The following RTCB variants were observed in gnomAD, a reference collection of about 807,000 sequenced individuals.
RTCB encodes the protein RNA-splicing ligase RTCB.
RTCB carries 32 observed loss-of-function variants against 58.2 expected under a neutral mutation model. That is an observed-to-expected ratio of 0.55 (90% CI 0.41 to 0.74). The LOEUF is 0.74. RTCB is among the 30% of genes least tolerant of loss of function. RTCB has a pLI of 0.00. For synonymous variants in RTCB, 247 were observed against 218.6 expected (o/e 1.13, Z -1.15); for missense variants, 523 against 639.0 (o/e 0.82, Z 1.96).
At chr22:32,394,192 A>G (rs2145890328) in intron 9 of RTCB, among the ~76,000 whole-genome samples, 190 bp from the exon 10 acceptor site, 1 of 151,544 alleles carries the variant, frequency 6.6e-6, no homozygotes, top group East Asian at 1.9e-4. Context: ...GCTCACTGCA[A>G]GCTCCGCCTC....
At chr22:32,389,504 G>T (rs1933116406) in intron 11 of RTCB, among the ~76,000 whole-genome samples, 3 of 152,038 alleles carry the variant, frequency 2.0e-5, no homozygotes, top group South Asian at 2.1e-4. Context: ...TAGAGATGGG[G>T]TCTTGCTTTG....
At chr22:32,408,061 T>C in intron 3 of RTCB, 114 bp downstream of exon 3, 1 of 931,956 alleles carries the variant, frequency 1.1e-6, no homozygotes, top group Non-Finnish European at 1.7e-6. Flanking sequence ...TTCATGGTTA[T>C]GTCTGGCTGT....
chr22:32,401,541 C>T, intron 5 of RTCB: 2 of 515,214 alleles, frequency 3.9e-6, no homozygotes, highest in Non-Finnish European at 6.8e-6. Context: ...ATAAATACTA[C>T]TCTATGTCAA....
At chr22:32,398,142 GTTT>G in intron 6 of RTCB, 42 bp from the exon 7 acceptor site, 1 of 1,383,492 alleles carries the variant, frequency 7.2e-7, no homozygotes. Context: ...TTTTATTCCA[GTTT>G]TTTTTTTAAT....
At position 32,395,299 on chromosome 22, in the gene RTCB, T is replaced by C. The variant is rs559042307; in HGVS notation, c.991-85A>G. On this transcript the variant is annotated intron_variant, in intron 8 of 11. Transcript: ENST00000216038. ...CGTGACTCATCTCACTGGTTTCAGG[T>C]AGTCTGTTCTGAAGGGAGTAAAAGA... The C allele has an allele frequency of 1.6e-4, 189 of 1,175,876 alleles. No individual in the cohort carries two copies. The African/African-American group carries it at 2.5e-3, about 16-fold the overall frequency. 72.8% of individuals were successfully genotyped at this position (1,175,876 alleles called of 1,614,324 possible). A position where few individuals can be genotyped will look rare whatever the true frequency, so the allele number is the denominator to read the frequency against.
chr22:32,403,346 G>A (rs1361428817), intron 4 of RTCB, among the ~76,000 whole-genome samples: 1 of 151,988 alleles, frequency 6.6e-6, no homozygotes, highest in Non-Finnish European at 1.5e-5. Flanking sequence ...GGCGGAGCTT[G>A]CAGTGAGCCA....
Position 32,399,537 on chromosome 22 carries a change from T to G in RTCB, c.654+66A>C, listed in dbSNP as rs556125558. ...GTTTGCTAAATGTAAGATATAGATT[T>G]TTTTCCCCCAATAAAAACAAAATAT... is the stretch of plus-strand genomic sequence containing the variant. On this transcript the variant is annotated intron_variant, in intron 6 of 11. Coordinates refer to ENST00000216038, the MANE Select transcript of RTCB (RefSeq NM_014306.5). The G allele has an allele frequency of 2.1e-6, 3 of 1,444,590 alleles. 1 individual carries two copies. The highest frequency in any genetic ancestry group is 2.8e-6 in the Non-Finnish European group (3 of 1,057,676). The allele number at this position is 1,444,590 out of a possible 1,614,324, so 89.5% of individuals were successfully genotyped here.
chr22:32,392,158 C>A, intron 11 of RTCB, 82 bp downstream of exon 11: 1 of 1,430,298 alleles, frequency 7.0e-7, no homozygotes, highest in Non-Finnish European at 9.4e-7. Context: ...TAGTAACACC[C>A]TAAATTGCTG....
rs2145891670 is a variant in RTCB at position 32,396,255 on chromosome 22, A to C, written c.815-6T>G. The C allele has an allele frequency of 6.2e-7, 1 of 1,613,814 alleles. No homozygotes were observed. Among genetic ancestry groups the C allele is most frequent in the Non-Finnish European group, 8.5e-7 (1 of 1,179,788 alleles). ...CTCCATAGCTACCAGCGCATCTGGAACAAGAGCCACAAAGTCCAAACCAGT... is the reference window on the plus strand; with the variant it reads ...CTCCATAGCTACCAGCGCATCTGGACCAAGAGCCACAAAGTCCAAACCAGT... On this transcript the variant is annotated splice_polypyrimidine_tract_variant and splice_region_variant and intron_variant, in intron 7 of 11. Coordinates refer to ENST00000216038, the MANE Select transcript of RTCB (RefSeq NM_014306.5).
chr22:32,411,505 G>A (rs1463254940), intron 1 of RTCB, among the ~76,000 whole-genome samples: 1 of 152,122 alleles, frequency 6.6e-6, no homozygotes, highest in African/African-American at 2.4e-5. Flanking sequence ...GATCCTCGAG[G>A]TCCTTCTGTG....
chr22:32,387,798 T>C lies in RTCB; in HGVS notation c.*194A>G. The C allele has an allele frequency of 1.9e-6, 1 of 529,200 alleles. No individual in the cohort carries two copies. The highest frequency in any genetic ancestry group is 1.9e-5 in the African/African-American group (1 of 52,862). The allele number at this position is 529,200 out of a possible 1,614,324, so 32.8% of individuals were successfully genotyped here. A position where few individuals can be genotyped will look rare whatever the true frequency, so the allele number is the denominator to read the frequency against. ...CCTTTCCAAAGGTGGGCAATGTGCCTCTTCCTGGAAGGTTATTTTACAAGC... is the reference window on the plus strand; with the variant it reads ...CCTTTCCAAAGGTGGGCAATGTGCCCCTTCCTGGAAGGTTATTTTACAAGC... On this transcript the variant is annotated 3_prime_UTR_variant, in exon 12 of 12. Transcript: ENST00000216038.
Position 32,401,676 on chromosome 22 carries a change from C to A in RTCB, c.497+71G>T, listed in dbSNP as rs373314931. The A allele has an allele frequency of 7.9e-5, 121 of 1,529,498 alleles. 1 individual carries two copies. Among genetic ancestry groups the A allele is most frequent in the East Asian group, 4.1e-4 (18 of 44,326 alleles). The allele number at this position is 1,529,498 out of a possible 1,614,324, so 94.7% of individuals were successfully genotyped here. A position where few individuals can be genotyped will look rare whatever the true frequency, so the allele number is the denominator to read the frequency against. On this transcript the variant is annotated intron_variant, in intron 5 of 11. Transcript: ENST00000216038. ...ATCCTCATCTCTCAAGTGTACTGCA[C>A]TGGAAAGGAAGCTGAAGGTCATGTG...
intron 2 of RTCB, 79 bp downstream of exon 2, chr22:32,408,676 A>AATT (rs1391992294): frequency 9.9e-7 from 1 of 1,006,996 alleles, no homozygotes; most frequent in Non-Finnish European, 1.6e-6. Context: ...TCAGAATTAT[A>AATT]ATTATTTGAG....
chr22:32,399,635 A>G lies in RTCB; in HGVS notation c.622T>C (p.Ser208Pro), dbSNP rs762909773. 6.2e-7 allele frequency: 1 copy of G among 1,613,668 alleles called. No homozygotes were observed. Among genetic ancestry groups the G allele is most frequent in the African/African-American group, 1.3e-5 (1 of 74,872 alleles). Residue 208 changes from serine to proline, a missense_variant, in exon 6 of 12, where the codon TCT (serine) becomes CCT (proline). This residue lies in a region of RTCB where 141 missense variants were observed against 216.7 expected (regional missense o/e 0.65). Transcript: ENST00000216038. ...RMLQADPNKVSARAKKRGLPQ... is the reference protein window; with the variant it reads ...RMLQADPNKVPARAKKRGLPQ... ...AGGCCTCTTTTCTTCGCCCTTGCAGAAACTTTATTGGGGTCAGCCTGCAGC... is the reference window on the plus strand; with the variant it reads ...AGGCCTCTTTTCTTCGCCCTTGCAGGAACTTTATTGGGGTCAGCCTGCAGC...
chr22:32,411,987 G>C, intron 1 of RTCB, 77 bp downstream of exon 1: 1 of 1,111,394 alleles, frequency 9.0e-7, no homozygotes, highest in Non-Finnish European at 1.3e-6. Flanking sequence ...GTCAGGGGAG[G>C]TCCAGAGGGC....
chr22:32,393,675 T>C (rs2145890032), intron 10 of RTCB, among the ~76,000 whole-genome samples: 1 of 152,234 alleles, frequency 6.6e-6, no homozygotes, highest in African/African-American at 2.4e-5. Flanking sequence ...TAAGAAACGG[T>C]CCCTAACCCT....
At chr22:32,399,559 A>G (rs751512858) in intron 6 of RTCB, 44 bp downstream of exon 6, 47 of 1,540,458 alleles carry the variant, frequency 3.1e-5, no homozygotes, top group African/African-American at 4.2e-5. Context: ...TAAAAACAAA[A>G]TATGAAAAAA....
chr22:32,397,193 C>T (rs183897822), intron 7 of RTCB, among the ~76,000 whole-genome samples: 166 of 152,300 alleles, frequency 1.1e-3, no homozygotes, highest in Non-Finnish European at 1.9e-3. Flanking sequence ...GCGTTCATCC[C>T]GCTTCATTCA....
intron 1 of RTCB, among the ~76,000 whole-genome samples, chr22:32,411,243 T>C (rs1210555016): frequency 6.6e-6 from 1 of 152,240 alleles, no homozygotes; most frequent in African/African-American, 2.4e-5. Context: ...AGCATTTACT[T>C]GGCACCTTCA....
Sources: allele counts gnomAD v4.1 joint callset (sites outside exome capture counted in the v4.1 genomes callset), GRCh38; gene constraint gnomAD v4.1.1; regional missense constraint gnomAD v4.1.1; transcripts MANE v1.5; gene names NCBI Gene and HGNC (gene_info 2026-07-23, HGNC 2026-07-21).